The following ASAP1 variants were observed in gnomAD, a reference collection of about 807,000 sequenced individuals.
The protein encoded by ASAP1 is arf-GAP with SH3 domain, ANK repeat and PH domain-containing protein 1.
In ASAP1, 43 loss-of-function variants were observed where a neutral mutation model predicts 145.2. The ratio of observed to expected loss-of-function variants is 0.30; its 90% CI spans 0.23 to 0.38. ASAP1 has a LOEUF of 0.38. Ranked by LOEUF, ASAP1 falls within the 10% of genes least tolerant of loss-of-function variation. The pLI is 1.00. For missense variants in ASAP1, 1,018 were observed against 1,355.3 expected, an observed-to-expected ratio of 0.75 and a Z score of 3.91; for synonymous variants, 546 against 515.5, an observed-to-expected ratio of 1.06 and a Z score of -0.80.
At chr8:130,414,125 G>A (rs567319434) in intron 1 of ASAP1, among the ~76,000 whole-genome samples, 1 of 152,218 alleles carries the variant, frequency 6.6e-6, no homozygotes, top group South Asian at 2.1e-4. Context: ...GGATGAACAG[G>A]AGTACACCAG....
intron 1 of ASAP1, among the ~76,000 whole-genome samples, chr8:130,412,879 G>C (rs1464971948): frequency 7.9e-5 from 12 of 152,070 alleles, no homozygotes; most frequent in Admixed American, 7.9e-4. Flanking sequence ...CCTGACCTTA[G>C]GTGATCCACC....
At chr8:130,320,871 T>C (rs1019048668) in intron 3 of ASAP1, among the ~76,000 whole-genome samples, 2 of 152,190 alleles carry the variant, frequency 1.3e-5, no homozygotes, top group South Asian at 2.1e-4. Context: ...TAGTTTACTT[T>C]GCCAAAGAGT....
intron 3 of ASAP1, among the ~76,000 whole-genome samples, chr8:130,334,324 T>C (rs776723218): frequency 2.0e-5 from 3 of 152,144 alleles, no homozygotes; most frequent in Non-Finnish European, 2.9e-5. Flanking sequence ...GAAAAGCACA[T>C]GATGAAATAT....
intron 1 of ASAP1, among the ~76,000 whole-genome samples, chr8:130,412,706 C>T (rs1017266650): frequency 2.6e-5 from 4 of 150,950 alleles, no homozygotes; most frequent in African/African-American, 9.8e-5. Flanking sequence ...GACTAGAGTG[C>T]AGTGGTGCGA....
intron 15 of ASAP1, among the ~76,000 whole-genome samples, chr8:130,131,603 G>GAAAAAAAAAAAAAA (rs1159191172): frequency 1.6e-5 from 1 of 63,100 alleles, no homozygotes; most frequent in African/African-American, 8.1e-5. Flanking sequence ...CATGGCTACT[G>GAAAAAAAAAAAAAA]AAAAAAAAAA....
At chr8:130,189,832 T>A (rs925446143) in intron 5 of ASAP1, among the ~76,000 whole-genome samples, 2 of 152,206 alleles carry the variant, frequency 1.3e-5, no homozygotes, top group African/African-American at 2.4e-5. Flanking sequence ...CTGTTTTTTT[T>A]ATAAAAGCCA....
intron 3 of ASAP1, among the ~76,000 whole-genome samples, chr8:130,346,896 G>GA (rs1350398386): frequency 6.6e-6 from 1 of 152,182 alleles, no homozygotes; most frequent in Non-Finnish European, 1.5e-5. Flanking sequence ...ACATTACAAG[G>GA]AAAAGGAAAT....
intron 9 of ASAP1, among the ~76,000 whole-genome samples, chr8:130,176,101 GT>G (rs1313743418): frequency 1.3e-5 from 2 of 152,202 alleles, no homozygotes; most frequent in African/African-American, 4.8e-5. Context: ...GTTGGAAACA[GT>G]TAAAAGCCCT....
chr8:130,250,689 G>A (rs1231036104), intron 3 of ASAP1, among the ~76,000 whole-genome samples: 2 of 151,922 alleles, frequency 1.3e-5, no homozygotes, highest in East Asian at 1.9e-4. Context: ...CAAGAAGCCC[G>A]GGCTATACAT....
chr8:130,425,482 A>T (rs1829883330), intron 1 of ASAP1, among the ~76,000 whole-genome samples: 1 of 152,094 alleles, frequency 6.6e-6, no homozygotes, highest in South Asian at 2.1e-4. Context: ...TCACCACTGC[A>T]CTCCAGCCTG....
intron 2 of ASAP1, among the ~76,000 whole-genome samples, chr8:130,398,604 T>C (rs1828639745): frequency 6.6e-6 from 1 of 152,170 alleles, no homozygotes; most frequent in Non-Finnish European, 1.5e-5. Context: ...GTAGAAGTAC[T>C]AGAGAGATAC....
At chr8:130,341,011 G>GT (rs1825348272) in intron 3 of ASAP1, 2 of 416,810 alleles carry the variant, frequency 4.8e-6, no homozygotes, top group Middle Eastern at 3.5e-4. Context: ...TGGAGGGGTG[G>GT]TTTTTTAGAG....
chr8:130,316,070 A>G (rs1823646674), intron 3 of ASAP1, among the ~76,000 whole-genome samples: 1 of 152,198 alleles, frequency 6.6e-6, no homozygotes, highest in Admixed American at 6.5e-5. Flanking sequence ...TTTTCAGCTT[A>G]AAAGGTATTC....
At position 130,325,332 on chromosome 8, in the gene ASAP1, A is replaced by C. The variant is rs11787373; in HGVS notation, c.186+32685T>G. ...ATTTGCTCAGGTAATACAGATTTCTAGCACTGAGGCCAACTTCAAACAGTG... is the reference window on the plus strand; with the variant it reads ...ATTTGCTCAGGTAATACAGATTTCTCGCACTGAGGCCAACTTCAAACAGTG... On this transcript the variant is annotated intron_variant, in intron 3 of 29. Coordinates refer to ENST00000518721, the MANE Select transcript of ASAP1 (RefSeq NM_018482.4). Among the ~76,000 whole-genome samples, 868 of 152,344 alleles carry C rather than the reference A, an allele frequency of 5.7e-3. 6 individuals are homozygous for C. The highest frequency in any genetic ancestry group is 0.01 in the Non-Finnish European group (708 of 68,028).
intron 27 of ASAP1, among the ~76,000 whole-genome samples, chr8:130,070,118 G>T (rs2097439472): frequency 1.3e-5 from 2 of 152,044 alleles, no homozygotes; most frequent in African/African-American, 4.8e-5. Context: ...CTCACTGCAA[G>T]CTCCGCCTCC....
chr8:130,312,168 T>A (rs1438658657), intron 3 of ASAP1, among the ~76,000 whole-genome samples: 1 of 151,430 alleles, frequency 6.6e-6, no homozygotes, highest in Non-Finnish European at 1.5e-5. Flanking sequence ...GTCTCATCTA[T>A]CAAGAAACTG....
At chr8:130,228,648 C>T (rs965230409) in intron 4 of ASAP1, among the ~76,000 whole-genome samples, 48 of 150,036 alleles carry the variant, frequency 3.2e-4, no homozygotes, top group Admixed American at 5.3e-4. Context: ...CTGAAGTGAG[C>T]CAAGATCATG....
intron 13 of ASAP1, among the ~76,000 whole-genome samples, chr8:130,139,571 A>G (rs1272350586): frequency 6.6e-6 from 1 of 152,090 alleles, no homozygotes; most frequent in Non-Finnish European, 1.5e-5. Context: ...TCTACTGAAA[A>G]TACAAAACTT....
chr8:130,128,139 AT>A (rs745416119), intron 15 of ASAP1, 49 bp from the exon 16 acceptor site: 33,854 of 178,572 alleles, frequency 0.19, 403 homozygotes, highest in Middle Eastern at 0.23. Flanking sequence ...GAGCATGGTC[AT>A]TTTTTTTTTT....
Sources: gnomAD v4.1 joint callset for allele counts (sites outside exome capture counted in the v4.1 genomes callset) on GRCh38, gnomAD v4.1.1 for gene constraint, MANE v1.5 for transcripts, NCBI Gene and HGNC (gene_info 2026-07-23, HGNC 2026-07-21) for gene names.